The following TRIM25 variants were observed in gnomAD, a reference collection of about 807,000 sequenced individuals.
TRIM25 encodes the protein tripartite motif containing 25.
TRIM25 carries 45 observed loss-of-function variants against 65.2 expected under a neutral mutation model. The ratio of observed to expected loss-of-function variants is 0.69; its 90% CI spans 0.54 to 0.89. TRIM25 has a LOEUF of 0.89. TRIM25 is among the 40% of genes least tolerant of loss of function. The probability of loss-of-function intolerance (pLI) is 0.00; values close to 1 mark genes in which losing one functional copy is unlikely to be tolerated. For synonymous variants in TRIM25, 321 were observed against 340.4 expected, an observed-to-expected ratio of 0.94 and a Z score of 0.63; for missense variants, 714 against 803.7, an observed-to-expected ratio of 0.89 and a Z score of 1.35.
chr17:56,893,763 G>T (rs991230231), intron 8 of TRIM25, among the ~76,000 whole-genome samples: 1 of 152,240 alleles, frequency 6.6e-6, no homozygotes, highest in Non-Finnish European at 1.5e-5. Context: ...GAAACCCAGG[G>T]GGGTATAGCA....
At chr17:56,896,857 C>G (rs1238984932) in intron 5 of TRIM25, among the ~76,000 whole-genome samples, 1 of 151,824 alleles carries the variant, frequency 6.6e-6, no homozygotes, top group African/African-American at 2.4e-5. Flanking sequence ...GTAATCCCAG[C>G]AATTTGGGAG....
chr17:56,912,381 G>A (rs1027553093), intron 1 of TRIM25, among the ~76,000 whole-genome samples: 7 of 152,214 alleles, frequency 4.6e-5, no homozygotes, highest in Non-Finnish European at 7.3e-5. Flanking sequence ...CAAACCCCAT[G>A]CTCAAAGTCA....
At chr17:56,909,736 C>T (rs967786853) in intron 1 of TRIM25, among the ~76,000 whole-genome samples, 1 of 150,936 alleles carries the variant, frequency 6.6e-6, no homozygotes, top group South Asian at 2.1e-4. Flanking sequence ...AGCCCAGGTG[C>T]AAATCTGCTC....
chr17:56,908,853 A>G, intron 1 of TRIM25: 1 of 375,100 alleles, frequency 2.7e-6, no homozygotes, highest in African/African-American at 2.0e-5. Flanking sequence ...CACAAAATAG[A>G]TACAACTGTC....
intron 1 of TRIM25, chr17:56,908,780 G>A: frequency 1.9e-6 from 1 of 522,458 alleles, no homozygotes; most frequent in Non-Finnish European, 3.5e-6. Flanking sequence ...GGACAGTACA[G>A]ACCAGGGTTC....
intron 5 of TRIM25, among the ~76,000 whole-genome samples, chr17:56,898,606 T>C (rs1909346717): frequency 6.6e-6 from 1 of 151,984 alleles, no homozygotes. Flanking sequence ...TAAACAGTTA[T>C]GCAGTAGATG....
At chr17:56,900,084 C>T (rs1035025990) in intron 4 of TRIM25, among the ~76,000 whole-genome samples, 2 of 152,106 alleles carry the variant, frequency 1.3e-5, no homozygotes, top group African/African-American at 2.4e-5. Flanking sequence ...TGTGGTGGCA[C>T]ATGCCTGTAA....
intron 2 of TRIM25, among the ~76,000 whole-genome samples, chr17:56,906,989 GC>G (rs1237660516): frequency 6.6e-6 from 1 of 152,216 alleles, no homozygotes; most frequent in Non-Finnish European, 1.5e-5. Context: ...AGTGACCCAT[GC>G]CCAGGAGTGA....
chr17:56,897,256 T>G (rs962320928), intron 5 of TRIM25, among the ~76,000 whole-genome samples: 5 of 152,178 alleles, frequency 3.3e-5, no homozygotes, highest in African/African-American at 9.7e-5. Flanking sequence ...AGATCCCAGC[T>G]TCCTTCTTTG....
chr17:56,906,498 AT>A lies in TRIM25; in HGVS notation c.693+1969del, dbSNP rs11396918. Among the ~76,000 whole-genome samples, 645 of 148,340 alleles carry A rather than the reference AT, an allele frequency of 4.3e-3. 10 individuals carry two copies. Among genetic ancestry groups the A allele is most frequent in the South Asian group, 0.033 (158 of 4,726 alleles). ...GGAATTCAAGTATTTCTTCGCCAAT[AT>A]TTTTTTTTTTTGAGATGAAGTTTCA... On this transcript the variant is annotated intron_variant, in intron 2 of 8. Transcript: ENST00000316881.
rs1446315410 is a variant in TRIM25 at position 56,891,445 on chromosome 17, T to C, written c.*255A>G. 7 of 501,834 alleles carry C rather than the reference T, an allele frequency of 1.4e-5. No homozygotes were observed. Among genetic ancestry groups the C allele is most frequent in the Non-Finnish European group, 2.5e-5 (7 of 279,086 alleles). The allele number at this position is 501,834 out of a possible 1,614,324, so 31.1% of individuals were successfully genotyped here. A position where few individuals can be genotyped will look rare whatever the true frequency, so the allele number is the denominator to read the frequency against. On this transcript the variant is annotated 3_prime_UTR_variant, in exon 9 of 9. Coordinates refer to ENST00000316881, the MANE Select transcript of TRIM25 (RefSeq NM_005082.5). ...GCCCAGCTGCCCAGCAGCCTGGAGA[T>C]TTCCAGAACAATGGGGAGTAGGTCA...
At position 56,913,459 on chromosome 17, in the gene TRIM25, T is replaced by A. The variant is rs763606542; in HGVS notation, c.530A>T (p.His177Leu). The A allele has an allele frequency of 6.2e-7, 1 of 1,610,886 alleles. No homozygotes were observed. Among genetic ancestry groups the A allele is most frequent in the Non-Finnish European group, 8.5e-7 (1 of 1,178,046 alleles). Residue 177 changes from histidine to leucine, a missense_variant, in exon 1 of 9, where the codon CAC becomes CTC. Transcript: ENST00000316881. The surrounding 1 kb of genome is among the most constrained non-coding windows in gnomAD (Gnocchi z 6.1). Reference protein sequence around the residue: ...FCPEHSECICHICLVEHKTCS... With the variant: ...FCPEHSECICLICLVEHKTCS... The stretch of plus-strand genomic sequence containing the variant: ...GGTCTTATGCTCCACCAGGCAGATG[T>A]GGCAGATGCACTCGCTGTGCTCGGG...
chr17:56,907,160 G>A (rs1045142951), intron 2 of TRIM25, among the ~76,000 whole-genome samples: 2 of 152,204 alleles, frequency 1.3e-5, no homozygotes, highest in African/African-American at 2.4e-5. Context: ...GTAATAAGAA[G>A]GGAGAACCCT....
chr17:56,892,144 C>G lies in TRIM25; in HGVS notation c.1449G>C (p.Glu483Asp). ...GATGCGGCCGGTAGTTCTGAGGCAT[C>G]TCAGCCACAGAAGCTACTGTATAGC... is the stretch of plus-strand genomic sequence containing the variant. ...SECYTVASVA[E>D]MPQNYRPHPQ... The change falls in exon 9 of 9, where the codon GAG becomes GAC. Residue 483 changes from glutamate (E) to aspartate (D), a missense_variant. Glu to Asp is a conservative substitution (Grantham distance 45, BLOSUM62 2). Coordinates refer to ENST00000316881, the MANE Select transcript of TRIM25 (RefSeq NM_005082.5). 1 of 1,614,224 alleles carries G rather than the reference C, an allele frequency of 6.2e-7. No homozygotes were observed. The highest frequency in any genetic ancestry group is 8.5e-7 in the Non-Finnish European group (1 of 1,180,046).
intron 8 of TRIM25, among the ~76,000 whole-genome samples, chr17:56,895,102 C>CA (rs1909259894): frequency 6.6e-6 from 1 of 152,222 alleles, no homozygotes; most frequent in South Asian, 2.1e-4. Flanking sequence ...AAGGTGAGCT[C>CA]AATTGGGCCA....
chr17:56,892,574 A>G (rs1003393936), intron 8 of TRIM25, among the ~76,000 whole-genome samples: 10 of 151,816 alleles, frequency 6.6e-5, no homozygotes, highest in Admixed American at 6.6e-5. Flanking sequence ...TTCATTCATT[A>G]ATCTATCCAC....
chr17:56,890,100 A>C lies in TRIM25; in HGVS notation c.*1600T>G. 2.2e-5 allele frequency: 8 copies of C among 368,878 alleles called. No individual in the cohort carries two copies. Among genetic ancestry groups the C allele is most frequent in the East Asian group, 4.1e-5 (1 of 24,374 alleles). The allele number at this position is 368,878 out of a possible 1,614,324, so 22.9% of individuals were successfully genotyped here. A position where few individuals can be genotyped will look rare whatever the true frequency, so the allele number is the denominator to read the frequency against. ...AGATGCATTACATTCTCAAATATCC[A>C]TATGAAAAGGTCTGGGGTCTCTAGT... On this transcript the variant is annotated 3_prime_UTR_variant, in exon 9 of 9. Coordinates refer to ENST00000316881, the MANE Select transcript of TRIM25 (RefSeq NM_005082.5).
At chr17:56,907,576 C>A (rs1302893875) in intron 2 of TRIM25, among the ~76,000 whole-genome samples, 1 of 152,158 alleles carries the variant, frequency 6.6e-6, no homozygotes. Flanking sequence ...GCAATTTAAA[C>A]GTATCGAAAA....
At position 56,891,730 on chromosome 17, in the gene TRIM25, A is replaced by C. The variant is rs748965539; in HGVS notation, c.1863T>G (p.Gly621=). The C allele has an allele frequency of 3.7e-6, 6 of 1,613,934 alleles. No individual in the cohort carries two copies. Among genetic ancestry groups the C allele is most frequent in the Non-Finnish European group, 5.1e-6 (6 of 1,179,878 alleles). The part of the protein sequence containing the change: ...LYPAFWVFSA[G]ATLSICSPK ...TGGGGGAGCAGATGGAGAGTGTGGC[A>C]CCAGCAGAAAATACCCAGAAAGCCG... The change falls in exon 9 of 9, where the codon GGT becomes GGG. Residue 621 remains glycine, a synonymous_variant. Transcript: ENST00000316881.
Sources: allele counts gnomAD v4.1 joint callset (sites outside exome capture counted in the v4.1 genomes callset), GRCh38; gene constraint gnomAD v4.1.1; non-coding constraint Gnocchi (gnomAD v3.1); transcripts MANE v1.5; gene names NCBI Gene and HGNC (gene_info 2026-07-23, HGNC 2026-07-21).